Variants in EPHA3 observed in about 807,000 individuals in gnomAD.
EPHA3 encodes the protein EPH receptor A3.
Under a neutral mutation model 107.1 loss-of-function variants are expected in EPHA3, and 42 were observed. The observed-to-expected ratio is 0.39, with a 90% confidence interval of 0.31 to 0.51. EPHA3 has a LOEUF of 0.51. Among genes scored for constraint, EPHA3 ranks in the 20% least tolerant of loss-of-function variants. The pLI is 0.78. For missense variants in EPHA3, 1,183 were observed against 1,211.2 expected (o/e 0.98, Z 0.35); for synonymous variants, 461 against 424.8 (o/e 1.09, Z -1.05).
chr3:89,113,332 G>A (rs985100727), intron 1 of EPHA3, among the ~76,000 whole-genome samples: 39 of 151,816 alleles, frequency 2.6e-4, no homozygotes, highest in African/African-American at 9.4e-4. Flanking sequence ...GTGTGTTCGG[G>A]GTGTGGATAC....
chr3:89,253,560 A>G (rs1705212080), intron 3 of EPHA3, among the ~76,000 whole-genome samples: 1 of 152,324 alleles, frequency 6.6e-6, no homozygotes, highest in African/African-American at 2.4e-5. Context: ...AGAAAGAAAT[A>G]TCCACAGGTG....
chr3:89,189,576 A>G (rs1705653330), intron 2 of EPHA3, among the ~76,000 whole-genome samples: 1 of 152,188 alleles, frequency 6.6e-6, no homozygotes. Context: ...CTGGTGACAG[A>G]GCAAGACTTC....
At chr3:89,140,956 G>C (rs79838907) in intron 2 of EPHA3, among the ~76,000 whole-genome samples, 2,475 of 151,606 alleles carry the variant, frequency 0.016, 62 homozygotes, top group African/African-American at 0.055. Context: ...TAGTGCTTTC[G>C]ATATATCATT....
At chr3:89,404,708 A>T (rs1452587211) in intron 7 of EPHA3, among the ~76,000 whole-genome samples, 10 of 152,198 alleles carry the variant, frequency 6.6e-5, no homozygotes, top group African/African-American at 2.2e-4. Context: ...TATTTTAGAG[A>T]CAGAAAAAAC....
At chr3:89,235,168 C>G (rs956307951) in intron 3 of EPHA3, among the ~76,000 whole-genome samples, 1 of 151,626 alleles carries the variant, frequency 6.6e-6, no homozygotes, top group African/African-American at 2.4e-5. Context: ...GTGATCCACC[C>G]ACCTCGACGT....
At chr3:89,107,905 C>A in intron 1 of EPHA3, 69 bp downstream of exon 1, 1 of 1,491,114 alleles carries the variant, frequency 6.7e-7, no homozygotes, top group Non-Finnish European at 9.3e-7. Context: ...CACGTTCTCA[C>A]CGAAGCCTTG....
chr3:89,308,220 G>A (rs1245346679), intron 3 of EPHA3, among the ~76,000 whole-genome samples: 3 of 152,054 alleles, frequency 2.0e-5, no homozygotes, highest in Non-Finnish European at 4.4e-5. Flanking sequence ...AGAAGAGTAC[G>A]AAAAAATCCT....
chr3:89,460,823 C>CTTTTTT (rs753656853), intron 15 of EPHA3, among the ~76,000 whole-genome samples: 8 of 103,006 alleles, frequency 7.8e-5, no homozygotes, highest in Admixed American at 1.9e-4. Flanking sequence ...CTCTGTCTCT[C>CTTTTTT]TTTTTTTTTT....
chr3:89,189,537 G>T (rs1255071373), intron 2 of EPHA3, among the ~76,000 whole-genome samples: 1 of 152,170 alleles, frequency 6.6e-6, no homozygotes, highest in Non-Finnish European at 1.5e-5. Flanking sequence ...AGGTTGCAGT[G>T]AGCCCAGATT....
chr3:89,379,176 G>A (rs929464516), intron 5 of EPHA3, among the ~76,000 whole-genome samples: 1 of 152,040 alleles, frequency 6.6e-6, no homozygotes, highest in African/African-American at 2.4e-5. Flanking sequence ...GTTATTTATT[G>A]CCACTCAATG....
chr3:89,148,500 G>A (rs114939192), intron 2 of EPHA3, among the ~76,000 whole-genome samples: 2,789 of 152,020 alleles, frequency 0.018, 86 homozygotes, highest in African/African-American at 0.062. Context: ...AAATGTTTGT[G>A]TCTTTCATGA....
At chr3:89,337,582 A>C (rs1707422695) in intron 3 of EPHA3, among the ~76,000 whole-genome samples, 1 of 152,224 alleles carries the variant, frequency 6.6e-6, no homozygotes, top group Non-Finnish European at 1.5e-5. Flanking sequence ...CTATCTATTC[A>C]TTCGTGGTTA....
In EPHA3 at chr3:89,371,124, TG is replaced by T. The variant is rs575341055; in HGVS notation, c.1307-24712del. 4.3e-3 allele frequency among the ~76,000 whole-genome samples: 660 copies of T among 151,862 alleles called. 3 individuals are homozygous for T. The highest frequency in any genetic ancestry group is 0.014 in the Middle Eastern group (4 of 294). On this transcript the variant is annotated intron_variant, in intron 5 of 16. Transcript: ENST00000336596. ...CAGCTTTGTATAGTCATTATAGATT[TG>T]TGTTTAAAAAATTCTTTATATTAGT...
chr3:89,128,696 T>C (rs1266368691), intron 2 of EPHA3, among the ~76,000 whole-genome samples: 1 of 149,764 alleles, frequency 6.7e-6, no homozygotes, highest in Non-Finnish European at 1.5e-5. Context: ...ATATACTATA[T>C]ACTCAATAAT....
At chr3:89,150,040 G>T (rs1302491722) in intron 2 of EPHA3, among the ~76,000 whole-genome samples, 1 of 151,902 alleles carries the variant, frequency 6.6e-6, no homozygotes, top group Non-Finnish European at 1.5e-5. Context: ...TGTTTCAAAG[G>T]TCCTGTGGTT....
chr3:89,424,834 G>A (rs1463944410), intron 11 of EPHA3, among the ~76,000 whole-genome samples: 1 of 151,284 alleles, frequency 6.6e-6, no homozygotes, highest in African/African-American at 2.4e-5. Context: ...TGTTATCTTT[G>A]AAGATGTTAA....
chr3:89,397,382 A>C (rs1409360024), intron 6 of EPHA3, among the ~76,000 whole-genome samples: 1 of 152,180 alleles, frequency 6.6e-6, no homozygotes, highest in Non-Finnish European at 1.5e-5. Flanking sequence ...ATGTTCATAA[A>C]TGATGCCACA....
chr3:89,437,266 G>A (rs1171649666), intron 13 of EPHA3, among the ~76,000 whole-genome samples: 1 of 152,002 alleles, frequency 6.6e-6, no homozygotes, highest in Non-Finnish European at 1.5e-5. Context: ...ATAGTTTTAT[G>A]TGATATAATA....
At chr3:89,245,501 G>A (rs1705009847) in intron 3 of EPHA3, among the ~76,000 whole-genome samples, 2 of 152,100 alleles carry the variant, frequency 1.3e-5, no homozygotes, top group Admixed American at 6.6e-5. Context: ...ATTATGCCTT[G>A]CCAAATAAGT....
Sources: allele counts gnomAD v4.1 joint callset (sites outside exome capture counted in the v4.1 genomes callset), GRCh38; gene constraint gnomAD v4.1.1; transcripts MANE v1.5; gene names NCBI Gene and HGNC (gene_info 2026-07-23, HGNC 2026-07-21).